EMC3: variants seen among roughly 807,000 people sequenced by gnomAD.
EMC3 encodes ER membrane protein complex subunit 3, also known as 30 kDa protein.
In EMC3, 13 loss-of-function variants were observed where a neutral mutation model predicts 36.6. The observed-to-expected ratio is 0.35, with a 90% CI of 0.23 to 0.56. The LOEUF is 0.56. Ranked by LOEUF, EMC3 falls within the 20% of genes least tolerant of loss-of-function variation. EMC3 has a pLI of 0.84. For missense variants in EMC3, 220 were observed against 324.5 expected (o/e 0.68, Z 2.47); for synonymous variants, 120 against 111.9 (o/e 1.07, Z -0.46).
chr3:9,986,774 C>A lies in EMC3; in HGVS notation c.-113G>T. 4 of 1,514,254 alleles carry A rather than the reference C, an allele frequency of 2.6e-6. No individual in the cohort carries two copies. Among genetic ancestry groups the A allele is most frequent in the East Asian group, 2.3e-5 (1 of 43,702 alleles). The allele number at this position is 1,514,254 out of a possible 1,614,324, so 93.8% of individuals were successfully genotyped here. ...CTTCTCAAGCCCCTTTGCCCGTGTACCCCAGAACTCTCCTGCGACTGTGAG... is the reference window on the plus strand; with the variant it reads ...CTTCTCAAGCCCCTTTGCCCGTGTAACCCAGAACTCTCCTGCGACTGTGAG... On this transcript the variant is annotated 5_prime_UTR_variant, in exon 1 of 8. Coordinates refer to ENST00000245046, the MANE Select transcript of EMC3 (RefSeq NM_001394674.1).
At chr3:9,976,029 C>T (rs779960320) in intron 3 of EMC3, among the ~76,000 whole-genome samples, 9 of 152,108 alleles carry the variant, frequency 5.9e-5, no homozygotes, top group Non-Finnish European at 8.8e-5. Context: ...CTGGTTATCT[C>T]ACCTAAAGAA....
Position 9,999,002 on chromosome 3 carries a change from A to G in EMC3, c.-242+12021T>C, listed in dbSNP as rs538813161. On this transcript the variant is annotated intron_variant, in intron 1 of 8. Transcript: ENST00000470827. Reference sequence around the variant, plus strand: ...CGAACTTTTGAGCTTAGGAGATCTAACCACCTCTGCCTCTGAAAGTGCTGG... The same window carrying G: ...CGAACTTTTGAGCTTAGGAGATCTAGCCACCTCTGCCTCTGAAAGTGCTGG... Among the ~76,000 whole-genome samples the G allele has an allele frequency of 5.2e-4, 79 of 152,208 alleles. 1 individual carries two copies. The highest frequency in any genetic ancestry group is 8.8e-4 in the Non-Finnish European group (60 of 67,988).
chr3:9,965,975 T>G (rs990149141), intron 7 of EMC3, among the ~76,000 whole-genome samples: 3 of 152,230 alleles, frequency 2.0e-5, no homozygotes, highest in South Asian at 4.1e-4. Flanking sequence ...TCTGAACACA[T>G]TCTCACATAA....
chr3:9,968,841 A>T (rs2085757680), intron 7 of EMC3: 1 of 137,586 alleles, frequency 7.3e-6, no homozygotes, highest in Non-Finnish European at 1.5e-5. Context: ...TTTTTGAGAC[A>T]GAGTTTTGCT....
At chr3:9,992,598 TAATA>T (rs2086068794) in intron 1 of EMC3, among the ~76,000 whole-genome samples, 2 of 152,244 alleles carry the variant, frequency 1.3e-5, no homozygotes, top group African/African-American at 4.8e-5. Flanking sequence ...TTGAATCTTT[TAATA>T]AATGTGAAGA....
chr3:10,007,076 A>C (rs3732965), intron 1 of EMC3: 85,746 of 300,656 alleles, frequency 0.29, 16,209 homozygotes, highest in African/African-American at 0.65. Flanking sequence ...GCACAGAACG[A>C]GGGCTGTGCA....
At chr3:10,005,924 A>G (rs74722145) in intron 1 of EMC3, among the ~76,000 whole-genome samples, 4,603 of 152,046 alleles carry the variant, frequency 0.03, 86 homozygotes, top group South Asian at 0.061. Flanking sequence ...TGAACTTTCC[A>G]CCTTCCCTCT....
chr3:9,962,907 G>C lies in EMC3; in HGVS notation c.*1162C>G, dbSNP rs901079177. On this transcript the variant is annotated 3_prime_UTR_variant, in exon 8 of 8. Coordinates refer to ENST00000245046, the MANE Select transcript of EMC3 (RefSeq NM_001394674.1). Reference sequence around the variant, plus strand: ...ATATGTAAATTCTCTTTTGTTCCAAGCAACTGGGAAATGAGGTCCTTCATC... The same window carrying C: ...ATATGTAAATTCTCTTTTGTTCCAACCAACTGGGAAATGAGGTCCTTCATC... The C allele has an allele frequency of 6.6e-6, 1 of 152,144 alleles. No individual in the cohort carries two copies. Among genetic ancestry groups the C allele is most frequent in the Admixed American group, 6.6e-5 (1 of 15,264 alleles). 9.4% of individuals were successfully genotyped at this position (152,144 alleles called of 1,614,324 possible).
At chr3:9,988,121 A>G (rs1328691234), upstream of EMC3, 1 of 549,228 alleles carries the variant, frequency 1.8e-6, no homozygotes, top group African/African-American at 1.9e-5. Context: ...TAATGGTACT[A>G]TTATGATATT....
intron 1 of EMC3, among the ~76,000 whole-genome samples, chr3:10,000,174 G>C (rs2086180360): frequency 6.6e-6 from 1 of 152,064 alleles, no homozygotes; most frequent in African/African-American, 2.4e-5. Flanking sequence ...AAGTAGCTGG[G>C]ATTACAGGTG....
intron 1 of EMC3, chr3:9,981,731 G>C: frequency 6.8e-6 from 3 of 440,164 alleles, no homozygotes; most frequent in African/African-American, 2.1e-5. Flanking sequence ...CATTGCACCA[G>C]GCCTGAAAGA....
intron 7 of EMC3, among the ~76,000 whole-genome samples, chr3:9,966,413 G>A (rs2085737080): frequency 6.6e-6 from 1 of 151,644 alleles, no homozygotes; most frequent in African/African-American, 2.4e-5. Flanking sequence ...AGTAGAGATG[G>A]GGTTTCACCA....
chr3:9,969,597 A>T (rs768440783), intron 7 of EMC3, 122 bp downstream of exon 7: 56 of 1,548,438 alleles, frequency 3.6e-5, no homozygotes, highest in Admixed American at 3.9e-5. Context: ...CTATGTTTTT[A>T]CTAAGTTTAA....
chr3:9,983,166 G>A (rs75254228), intron 1 of EMC3, among the ~76,000 whole-genome samples: 1 of 138,180 alleles, frequency 7.2e-6, no homozygotes, highest in East Asian at 2.1e-4. Context: ...TTTTTTTTTT[G>A]AGACAGAGCC....
intron 7 of EMC3, among the ~76,000 whole-genome samples, chr3:9,966,336 C>A (rs2085736484): frequency 1.3e-5 from 2 of 151,658 alleles, no homozygotes; most frequent in Admixed American, 1.3e-4. Context: ...AATTCTCCTG[C>A]CTCAGCCTCC....
chr3:9,985,623 C>T (rs942587862), intron 1 of EMC3, among the ~76,000 whole-genome samples: 1 of 152,078 alleles, frequency 6.6e-6, no homozygotes, highest in Non-Finnish European at 1.5e-5. Context: ...GGGCTGGTTG[C>T]CATGGCTCAC....
In EMC3 at chr3:9,997,261, G is replaced by A. The variant is rs560494896; in HGVS notation, c.-241-10359C>T. ...TTTTTTTTTTTTTGTTAGTAGAGAC[G>A]GGGTTTCACCGTGTTAGCCAGGATG... On this transcript the variant is annotated intron_variant, in intron 1 of 8. Transcript: ENST00000470827. Among the ~76,000 whole-genome samples, 5 of 150,196 alleles carry A rather than the reference G, an allele frequency of 3.3e-5. No homozygotes were observed. In the East Asian group the frequency reaches 5.8e-4, roughly 18 times the overall value.
At chr3:9,969,480 T>C in intron 7 of EMC3, 2 of 1,404,216 alleles carry the variant, frequency 1.4e-6, no homozygotes, top group African/African-American at 1.4e-5. Flanking sequence ...ACAGCATCAT[T>C]GATAGTGTGG....
intron 1 of EMC3, among the ~76,000 whole-genome samples, chr3:9,995,927 G>T (rs78562713): frequency 0.017 from 2,565 of 151,608 alleles, 79 homozygotes; most frequent in African/African-American, 0.059. Flanking sequence ...GCCATAGTTC[G>T]AGCATTTTTT....
Sources: gnomAD v4.1 joint callset for allele counts (sites outside exome capture counted in the v4.1 genomes callset) on GRCh38, gnomAD v4.1.1 for gene constraint, MANE v1.5 for transcripts, NCBI Gene and HGNC (gene_info 2026-07-23, HGNC 2026-07-21) for gene names.